TRPC4: variants seen among roughly 807,000 people sequenced by gnomAD.
TRPC4 encodes transient receptor potential cation channel subfamily C member 4, also known as short transient receptor potential channel 4.
TRPC4 carries 49 observed loss-of-function variants against 99.4 expected under a neutral mutation model. That is an observed-to-expected ratio of 0.49 (90% confidence interval 0.39 to 0.63). The LOEUF (loss-of-function observed/expected upper bound fraction) is 0.63. Ranked by LOEUF, TRPC4 falls within the 20% of genes least tolerant of loss-of-function variation. The pLI is 0.00. For synonymous variants in TRPC4, 454 were observed against 425.9 expected (o/e 1.07, Z -0.81); for missense variants, 898 against 1,152.9 (o/e 0.78, Z 3.20).
chr13:37,698,959 G>T (rs756222989), intron 3 of TRPC4, among the ~76,000 whole-genome samples: 2 of 152,130 alleles, frequency 1.3e-5, no homozygotes, highest in Non-Finnish European at 1.5e-5. Flanking sequence ...CCTTCATCAT[G>T]ACTCCAAAGT....
rs1401665465 is a variant in TRPC4 at position 37,636,391 on chromosome 13, T to G, written c.*512A>C. On this transcript the variant is annotated 3_prime_UTR_variant, in exon 11 of 11. Transcript: ENST00000379705. ...GAAGACTTGTTTGCTTTGTGTACAA[T>G]AATTATTTACATGTCGTTAAGAAAT... is the stretch of plus-strand genomic sequence containing the variant. Among the ~76,000 whole-genome samples the G allele has an allele frequency of 4.6e-5, 7 of 152,176 alleles. No homozygotes were observed. The highest frequency in any genetic ancestry group is 1.7e-4 in the African/African-American group (7 of 41,446).
At chr13:37,798,545 T>C (rs1252779389) in intron 1 of TRPC4, among the ~76,000 whole-genome samples, 1 of 152,186 alleles carries the variant, frequency 6.6e-6, no homozygotes, top group African/African-American at 2.4e-5. Context: ...AGTGTCATGA[T>C]ACTAAAAACC....
Position 37,663,599 on chromosome 13 carries a change from A to T in TRPC4, c.1505T>A (p.Leu502Gln). Residue 502 changes from leucine (L) to glutamine (Q), a missense_variant, in exon 6 of 11, where the codon CTG becomes CAG. Around this residue, in one of 3 missense-constraint regions of TRPC4, gnomAD observed 274 missense variants for 454.9 expected, o/e 0.60. Transcript: ENST00000379705. ...TCCCAGAGATATTTGCAGAGGTCCC[A>T]GGTGAGAATTTGCAGTAAACAGTGA... is the stretch of plus-strand genomic sequence containing the variant. ...LISLFTANSH[L>Q]GPLQISLGRM... 6.2e-7 allele frequency: 1 copy of T among 1,614,196 alleles called. No individual in the cohort carries two copies. The highest frequency in any genetic ancestry group is 2.2e-5 in the East Asian group (1 of 44,878).
At chr13:37,651,133 G>T in intron 8 of TRPC4, 132 bp downstream of exon 8, 1 of 982,040 alleles carries the variant, frequency 1.0e-6, no homozygotes, top group Non-Finnish European at 1.5e-6. Flanking sequence ...TGGGAGATGT[G>T]TTATAAATGT....
chr13:37,731,912 C>T (rs1955250792), intron 3 of TRPC4, among the ~76,000 whole-genome samples: 1 of 151,996 alleles, frequency 6.6e-6, no homozygotes, highest in Non-Finnish European at 1.5e-5. Context: ...AGGCAGTCAA[C>T]AAAAATTATA....
rs149295824 is a variant in TRPC4, at chr13:37,693,873, T to C, written c.898-1538A>G. On this transcript the variant is annotated intron_variant, in intron 3 of 10. Transcript: ENST00000379705. ...ATACAGATAAAACCAGATAAAATAGTATGGTTTTAAGGCTGGGGTAGGGGG... is the reference window on the plus strand; with the variant it reads ...ATACAGATAAAACCAGATAAAATAGCATGGTTTTAAGGCTGGGGTAGGGGG... Among the ~76,000 whole-genome samples, 431 of 152,222 alleles carry C rather than the reference T, an allele frequency of 2.8e-3. 2 individuals carry two copies. The highest frequency in any genetic ancestry group is 0.01 in the African/African-American group (421 of 41,542).
At position 37,634,771 on chromosome 13, in the gene TRPC4, A is replaced by G. The variant is rs1215291332; in HGVS notation, c.*2132T>C. On this transcript the variant is annotated 3_prime_UTR_variant, in exon 11 of 11. Transcript: ENST00000379705. ...CCCAAATATTAACAATAGGCCTACA[A>G]TTTCTCTACTACTGTAGGTATGATT... 6.6e-6 allele frequency among the ~76,000 whole-genome samples: 1 copy of G among 152,058 alleles called. No individual in the cohort carries two copies. Among genetic ancestry groups the G allele is most frequent in the East Asian group, 1.9e-4 (1 of 5,202 alleles).
Position 37,796,968 on chromosome 13 carries a change from A to ATAAAATAAAGTAAAGTAAAG in TRPC4, c.-27-13609_-27-13608insCTTTACTTTACTTTATTTTA, listed in dbSNP as rs1555273561. ...ATAAAATAAAATAAAATAAAATAAA[A>ATAAAATAAAGTAAAGTAAAG]TAAAGTAAAGTAAAGTAAAGTAAAG... On this transcript the variant is annotated intron_variant, in intron 1 of 10. Transcript: ENST00000379705. Among the ~76,000 whole-genome samples the ATAAAATAAAGTAAAGTAAAG allele has an allele frequency of 1.7e-4, 20 of 115,122 alleles. No individual in the cohort carries two copies. The East Asian group carries it at 5.7e-3, about 33-fold the overall frequency. 75.5% of individuals were successfully genotyped at this position (115,122 alleles called of 152,430 possible).
In TRPC4 at chr13:37,731,983, T is replaced by C. The variant is rs540836828; in HGVS notation, c.897+13954A>G. ...AAGTTATTCCTCAACATAAAATCTC[T>C]TAGAAGAACTGCCATCAAGGTATTA... On this transcript the variant is annotated intron_variant, in intron 3 of 10. Transcript: ENST00000379705. Among the ~76,000 whole-genome samples, 10 of 152,240 alleles carry C rather than the reference T, an allele frequency of 6.6e-5. No homozygotes were observed. In the South Asian group the frequency reaches 2.1e-3, roughly 32 times the overall value.
intron 1 of TRPC4, among the ~76,000 whole-genome samples, chr13:37,795,961 A>G (rs1957233272): frequency 6.6e-6 from 1 of 152,116 alleles, no homozygotes; most frequent in Non-Finnish European, 1.5e-5. Context: ...CAGAAGATGC[A>G]GCAAAATATT....
intron 1 of TRPC4, among the ~76,000 whole-genome samples, chr13:37,785,527 T>C (rs1234954881): frequency 6.6e-6 from 1 of 152,088 alleles, no homozygotes; most frequent in Non-Finnish European, 1.5e-5. Context: ...TTCCTACCAA[T>C]AATATTTTTA....
chr13:37,746,918 TTTTG>T (rs1430007016), intron 2 of TRPC4, among the ~76,000 whole-genome samples: 2 of 152,144 alleles, frequency 1.3e-5, no homozygotes, highest in Admixed American at 1.3e-4. Flanking sequence ...AGGTTTTGTC[TTTTG>T]TTTGTTTTTA....
Position 37,637,302 on chromosome 13 carries a change from A to G in TRPC4, c.2535T>C (p.Phe845=), listed in dbSNP as rs1368625420. 6.2e-7 allele frequency: 1 copy of G among 1,613,744 alleles called. No individual in the cohort carries two copies. Among genetic ancestry groups the G allele is most frequent in the Non-Finnish European group, 8.5e-7 (1 of 1,179,882 alleles). The change falls in exon 11 of 11, where the codon TTT becomes TTC. Residue 845 remains phenylalanine, a synonymous_variant. Transcript: ENST00000379705. ...GTTTTGATCGTCTATGAAATAACCC[A>G]AAGTTTTTGATATCGGTCACAAAAT... The part of the protein sequence containing the change: ...KVNFVTDIKN[F]GLFHRRSKQN...
intron 3 of TRPC4, among the ~76,000 whole-genome samples, chr13:37,708,039 A>G (rs1216828950): frequency 6.6e-6 from 1 of 152,032 alleles, no homozygotes; most frequent in Non-Finnish European, 1.5e-5. Context: ...TCCAGCTTCA[A>G]CGCCAGCACT....
intron 3 of TRPC4, among the ~76,000 whole-genome samples, chr13:37,745,473 TACAC>T (rs370854698): frequency 0.18 from 902 of 5,028 alleles, 22 homozygotes; most frequent in Middle Eastern, 0.25. Flanking sequence ...TATATATATA[TACAC>T]ACACACACAC....
chr13:37,737,728 G>C (rs1283765601), intron 3 of TRPC4, among the ~76,000 whole-genome samples: 1 of 152,024 alleles, frequency 6.6e-6, no homozygotes, highest in African/African-American at 2.4e-5. Context: ...CCTTGCCTCG[G>C]CCTCCCAAAG....
intron 3 of TRPC4, among the ~76,000 whole-genome samples, chr13:37,712,603 A>G (rs1954521348): frequency 6.6e-6 from 1 of 152,158 alleles, no homozygotes; most frequent in African/African-American, 2.4e-5. Context: ...AGGAAATCAG[A>G]TTACTTTGCC....
intron 3 of TRPC4, among the ~76,000 whole-genome samples, chr13:37,744,216 T>C (rs559215990): frequency 6.6e-6 from 1 of 152,208 alleles, no homozygotes; most frequent in South Asian, 2.1e-4. Context: ...TATGGATCTT[T>C]AAGAAGATTT....
chr13:37,718,770 AC>A (rs1283147263), intron 3 of TRPC4, among the ~76,000 whole-genome samples: 1 of 152,130 alleles, frequency 6.6e-6, no homozygotes, highest in Admixed American at 6.6e-5. Flanking sequence ...AGCTAATAGA[AC>A]CTTAAGTATC....
Sources: gnomAD v4.1 joint callset for allele counts (sites outside exome capture counted in the v4.1 genomes callset) on GRCh38, gnomAD v4.1.1 for gene constraint, gnomAD v4.1.1 regional missense constraint, MANE v1.5 for transcripts, NCBI Gene and HGNC (gene_info 2026-07-23, HGNC 2026-07-21) for gene names.